The following CACNB2 variants were observed in gnomAD, a reference collection of about 807,000 sequenced individuals.
CACNB2 encodes voltage-dependent L-type calcium channel subunit beta-2.
Under a neutral mutation model 73.3 loss-of-function variants are expected in CACNB2, and 42 were observed. That is an observed-to-expected ratio of 0.57 (90% CI 0.45 to 0.74). The LOEUF is 0.74. Ranked by LOEUF, CACNB2 falls within the 30% of genes least tolerant of loss-of-function variation. The pLI is 0.00. For missense variants in CACNB2, 940 were observed against 853.0 expected, an observed-to-expected ratio of 1.10 and a Z score of -1.27; for synonymous variants, 348 against 310.3, an observed-to-expected ratio of 1.12 and a Z score of -1.28.
At chr10:18,512,875 C>A (rs1336415633) in intron 6 of CACNB2, among the ~76,000 whole-genome samples, 7 of 152,084 alleles carry the variant, frequency 4.6e-5, no homozygotes, top group Non-Finnish European at 8.8e-5. Context: ...ACTTCGTAGC[C>A]CAATTCATTC....
At chr10:18,517,077 C>A (rs925254513) in intron 7 of CACNB2, among the ~76,000 whole-genome samples, 2 of 152,114 alleles carry the variant, frequency 1.3e-5, no homozygotes, top group African/African-American at 4.8e-5. Context: ...TTTTAAGCAA[C>A]AATAAAATGT....
At chr10:18,145,332 A>G (rs1036636252) in intron 1 of CACNB2, among the ~76,000 whole-genome samples, 2 of 152,142 alleles carry the variant, frequency 1.3e-5, no homozygotes, top group African/African-American at 4.8e-5. Context: ...GCAGTCTCCA[A>G]AGTTGGTGGT....
At chr10:18,450,599 C>G (rs2046970448) in intron 3 of CACNB2, among the ~76,000 whole-genome samples, 1 of 151,688 alleles carries the variant, frequency 6.6e-6, no homozygotes, top group Admixed American at 6.6e-5. Flanking sequence ...TAAAAATGAC[C>G]CTCGCCAGCT....
chr10:18,173,866 T>C (rs1259677001), intron 2 of CACNB2, among the ~76,000 whole-genome samples: 1 of 152,192 alleles, frequency 6.6e-6, no homozygotes, highest in Non-Finnish European at 1.5e-5. Flanking sequence ...TGTTTAGATT[T>C]TACGTTTCTA....
At chr10:18,175,960 G>A (rs1419904351) in intron 2 of CACNB2, among the ~76,000 whole-genome samples, 4 of 152,172 alleles carry the variant, frequency 2.6e-5, no homozygotes, top group South Asian at 2.1e-4. Flanking sequence ...TAGAAAGAAA[G>A]CCCATTATAC....
At chr10:18,364,393 C>T (rs189139950) in intron 2 of CACNB2, among the ~76,000 whole-genome samples, 2 of 151,678 alleles carry the variant, frequency 1.3e-5, no homozygotes, top group African/African-American at 4.9e-5. Flanking sequence ...TTCCGTCTTC[C>T]GGGTTCTAGC....
At chr10:18,267,522 C>T (rs1290214238) in intron 2 of CACNB2, among the ~76,000 whole-genome samples, 2 of 152,152 alleles carry the variant, frequency 1.3e-5, no homozygotes, top group Admixed American at 6.5e-5. Context: ...ATGAGAATCA[C>T]TTGAACCCAG....
chr10:18,347,983 A>G (rs1035349826), intron 2 of CACNB2, among the ~76,000 whole-genome samples: 5 of 152,168 alleles, frequency 3.3e-5, no homozygotes, highest in African/African-American at 1.2e-4. Context: ...TGCTGATTTG[A>G]TATCTGGGCA....
intron 3 of CACNB2, among the ~76,000 whole-genome samples, chr10:18,497,306 G>A (rs12249007): frequency 4.0e-5 from 6 of 151,832 alleles, no homozygotes; most frequent in African/African-American, 1.4e-4. Context: ...ATACCACTTA[G>A]AACAATACCA....
At chr10:18,198,567 C>A (rs2034730533) in intron 2 of CACNB2, among the ~76,000 whole-genome samples, 1 of 152,140 alleles carries the variant, frequency 6.6e-6, no homozygotes. Context: ...TTAAATGACT[C>A]CCCATTGTCT....
At chr10:18,411,134 CT>C (rs1479050748) in intron 3 of CACNB2, among the ~76,000 whole-genome samples, 3 of 152,154 alleles carry the variant, frequency 2.0e-5, no homozygotes, top group Non-Finnish European at 4.4e-5. Flanking sequence ...ATTGTCAACT[CT>C]TTGCTTATAA....
chr10:18,261,743 T>C (rs1281052992), intron 2 of CACNB2, among the ~76,000 whole-genome samples: 2 of 152,184 alleles, frequency 1.3e-5, no homozygotes, highest in Non-Finnish European at 2.9e-5. Context: ...CTAAATCCTA[T>C]TTTGAGCAGC....
At chr10:18,333,157 GA>G (rs2040868983) in intron 2 of CACNB2, among the ~76,000 whole-genome samples, 1 of 152,158 alleles carries the variant, frequency 6.6e-6, no homozygotes, top group Non-Finnish European at 1.5e-5. Flanking sequence ...GGGGGATGGG[GA>G]AAAGTCCTTT....
At chr10:18,232,545 C>G (rs2036261813) in intron 2 of CACNB2, among the ~76,000 whole-genome samples, 1 of 152,132 alleles carries the variant, frequency 6.6e-6, no homozygotes, top group Non-Finnish European at 1.5e-5. Flanking sequence ...GTCTGTGGCT[C>G]TTTAAAAATA....
intron 2 of CACNB2, among the ~76,000 whole-genome samples, chr10:18,360,099 A>T (rs2042084407): frequency 6.6e-6 from 1 of 152,192 alleles, no homozygotes; most frequent in South Asian, 2.1e-4. Context: ...ACTGCCGATG[A>T]ATCAACATTG....
At chr10:18,403,745 A>G (rs553844717) in intron 3 of CACNB2, among the ~76,000 whole-genome samples, 1 of 152,306 alleles carries the variant, frequency 6.6e-6, no homozygotes, top group South Asian at 2.1e-4. Context: ...ATAGTTAGAA[A>G]TGATGTAGAG....
chr10:18,199,608 G>A (rs1273002335), intron 2 of CACNB2, among the ~76,000 whole-genome samples: 1 of 152,124 alleles, frequency 6.6e-6, no homozygotes, highest in African/African-American at 2.4e-5. Context: ...ATAAGGGTTT[G>A]GATAATGTCA....
intron 2 of CACNB2, among the ~76,000 whole-genome samples, chr10:18,152,723 A>AAAAAAAAAAC (rs1564298335): frequency 2.3e-5 from 3 of 131,506 alleles, no homozygotes; most frequent in Non-Finnish European, 3.1e-5. Context: ...AAAAAAAAAA[A>AAAAAAAAAAC]AAAAAAAAAC....
chr10:18,283,627 A>C (rs2038654134), intron 2 of CACNB2, among the ~76,000 whole-genome samples: 1 of 136,030 alleles, frequency 7.4e-6, no homozygotes, highest in Non-Finnish European at 1.5e-5. Context: ...CAATGAGAAC[A>C]CTTGGACACG....
Sources: gnomAD v4.1 joint callset for allele counts (sites outside exome capture counted in the v4.1 genomes callset) on GRCh38, gnomAD v4.1.1 for gene constraint, MANE v1.5 for transcripts, NCBI Gene and HGNC (gene_info 2026-07-23, HGNC 2026-07-21) for gene names.